Variants in TRAF6 observed in about 807,000 individuals in gnomAD.
TRAF6 encodes the protein TNF receptor associated factor 6.
TRAF6 carries 10 observed loss-of-function variants against 48.4 expected under a neutral mutation model. The ratio of observed to expected loss-of-function variants is 0.21; its 90% CI spans 0.13 to 0.35. TRAF6 has a LOEUF of 0.35. Among genes scored for constraint, TRAF6 ranks in the 10% least tolerant of loss-of-function variants. The pLI, the probability that TRAF6 is intolerant of heterozygous loss-of-function variation, is 1.00. For missense variants in TRAF6, 397 were observed against 661.0 expected (o/e 0.60, Z 4.38); for synonymous variants, 186 against 219.6 (o/e 0.85, Z 1.35).
intron 1 of TRAF6, among the ~76,000 whole-genome samples, chr11:36,502,335 G>C (rs888533626): frequency 7.2e-5 from 11 of 152,112 alleles, no homozygotes; most frequent in African/African-American, 2.7e-4. Flanking sequence ...TGTTTTGTTT[G>C]CCTATGGAAA....
rs1768091864 is a variant in TRAF6 at position 36,484,761 on chromosome 11, G to A, written c.*5077C>T. Among the ~76,000 whole-genome samples, 1 of 152,050 alleles carries A rather than the reference G, an allele frequency of 6.6e-6. No homozygotes were observed. The highest frequency in any genetic ancestry group is 1.5e-5 in the Non-Finnish European group (1 of 68,016). On this transcript the variant is annotated 3_prime_UTR_variant, in exon 7 of 7. Coordinates refer to ENST00000526995, the MANE Select transcript of TRAF6 (RefSeq NM_004620.4). ...TCTGGAAGCTTGTATAAACAAAATA[G>A]GCCCCAAATTACATTCTCACCACAG...
intron 1 of TRAF6, 134 bp from the exon 2 acceptor site, chr11:36,501,671 A>G (rs1859718228): frequency 3.2e-6 from 2 of 629,146 alleles, no homozygotes; most frequent in South Asian, 4.9e-5. Context: ...TTATTTACAG[A>G]AAACTTTTAA....
intron 1 of TRAF6, among the ~76,000 whole-genome samples, chr11:36,503,271 A>T (rs1488335210): frequency 6.6e-6 from 1 of 152,130 alleles, no homozygotes; most frequent in Non-Finnish European, 1.5e-5. Flanking sequence ...ATCTGCAAAG[A>T]AACTTGGCAT....
intron 2 of TRAF6, among the ~76,000 whole-genome samples, chr11:36,499,433 C>T (rs2133673766): frequency 6.6e-6 from 1 of 152,088 alleles, no homozygotes; most frequent in African/African-American, 2.4e-5. Flanking sequence ...AAGCCTCAGA[C>T]TTCTTTTTGT....
chr11:36,497,597 G>A (rs1030367405), intron 3 of TRAF6, among the ~76,000 whole-genome samples: 3 of 152,158 alleles, frequency 2.0e-5, no homozygotes, highest in Non-Finnish European at 4.4e-5. Flanking sequence ...GGAGCAAGTA[G>A]TATATCTGCC....
Position 36,488,029 on chromosome 11 carries a change from A to C in TRAF6, c.*1809T>G, listed in dbSNP as rs1365479627. 2 of 152,222 alleles carry C rather than the reference A, an allele frequency of 1.3e-5. No individual in the cohort carries two copies. The highest frequency in any genetic ancestry group is 1.9e-4 in the East Asian group (1 of 5,200). 9.4% of individuals were successfully genotyped at this position (152,222 alleles called of 1,614,324 possible). A position where few individuals can be genotyped will look rare whatever the true frequency, so the allele number is the denominator to read the frequency against. ...AGGCTTTTTCTACGCAAATACAAAAATACTACTGTTCAGTTTTTAAATGGA... is the reference window on the plus strand; with the variant it reads ...AGGCTTTTTCTACGCAAATACAAAACTACTACTGTTCAGTTTTTAAATGGA... On this transcript the variant is annotated 3_prime_UTR_variant, in exon 7 of 7. Coordinates refer to ENST00000526995, the MANE Select transcript of TRAF6 (RefSeq NM_004620.4).
intron 6 of TRAF6, among the ~76,000 whole-genome samples, chr11:36,492,004 G>A (rs181824801): frequency 1.9e-3 from 284 of 152,200 alleles, no homozygotes; most frequent in African/African-American, 6.6e-3. Context: ...AGTGACAAAG[G>A]CCAGAAACCA....
In TRAF6 at chr11:36,495,045, G is replaced by T; in HGVS notation, c.609C>A (p.Ile203=). The T allele has an allele frequency of 6.3e-7, 1 of 1,598,204 alleles. No homozygotes were observed. The highest frequency in any genetic ancestry group is 1.1e-5 in the South Asian group (1 of 90,130). The change falls in exon 5 of 7, where the codon ATC becomes ATA. Residue 203 remains isoleucine, a splice_region_variant and synonymous_variant. Coordinates refer to ENST00000526995, the MANE Select transcript of TRAF6 (RefSeq NM_004620.4). ...TTGCCAAAGGACAGTTCTGGTCATG[G>T]ATCTGAATTTTATTAGAGAAATATA... ...AASMAFEDKE[I]HDQNCPLANV...
At chr11:36,494,803 C>A (rs761931039) in intron 5 of TRAF6, among the ~76,000 whole-genome samples, 173 bp downstream of exon 5, 1 of 151,564 alleles carries the variant, frequency 6.6e-6, no homozygotes, top group Non-Finnish European at 1.5e-5. Context: ...ATGTTTTGTT[C>A]TCCCTGAAAG....
Position 36,484,316 on chromosome 11 carries a change from T to C in TRAF6, c.*5522A>G, listed in dbSNP as rs544395128. Among the ~76,000 whole-genome samples the C allele has an allele frequency of 7.2e-5, 11 of 152,320 alleles. No homozygotes were observed. The highest frequency in any genetic ancestry group is 2.6e-4 in the African/African-American group (11 of 41,570). ...CATGATTAGTGTTTCCCCACCCTTA[T>C]CTTTGCATTCACTCCCTCTCATAAA... On this transcript the variant is annotated 3_prime_UTR_variant, in exon 7 of 7. Coordinates refer to ENST00000526995, the MANE Select transcript of TRAF6 (RefSeq NM_004620.4).
chr11:36,509,704 G>A (rs1480891101), intron 1 of TRAF6, among the ~76,000 whole-genome samples: 1 of 152,158 alleles, frequency 6.6e-6, no homozygotes, highest in African/African-American at 2.4e-5. Flanking sequence ...CTGGGGAGCA[G>A]AGGTCAGGGG....
Position 36,490,801 on chromosome 11 carries a change from C to T in TRAF6, c.757-151G>A, listed in dbSNP as rs1032357890. The T allele has an allele frequency of 2.4e-5, 16 of 665,482 alleles. No homozygotes were observed. The highest frequency in any genetic ancestry group is 3.8e-4 in the Middle Eastern group (1 of 2,606). 41.2% of individuals were successfully genotyped at this position (665,482 alleles called of 1,614,324 possible). On this transcript the variant is annotated intron_variant, in intron 6 of 6. Transcript: ENST00000526995. This position sits in a 1 kb window ranked among gnomAD's most constrained non-coding sequence, Gnocchi z 6.4. ...CTTTGCCTTCAACAGATTCTTGATCCAATGAGGCGACTCTGCCTCTTAGTT... is the reference window on the plus strand; with the variant it reads ...CTTTGCCTTCAACAGATTCTTGATCTAATGAGGCGACTCTGCCTCTTAGTT...
intron 5 of TRAF6, 36 bp downstream of exon 5, chr11:36,494,940 T>G: frequency 7.0e-7 from 1 of 1,425,064 alleles, no homozygotes; most frequent in Non-Finnish European, 9.8e-7. Context: ...CTTTAAGCTG[T>G]TTATGAAAAT....
At position 36,486,957 on chromosome 11, in the gene TRAF6, G is replaced by C. The variant is rs1290860860; in HGVS notation, c.*2881C>G. 6.6e-6 allele frequency: 1 copy of C among 152,358 alleles called. No individual in the cohort carries two copies. The highest frequency in any genetic ancestry group is 1.5e-5 in the Non-Finnish European group (1 of 68,256). 9.4% of individuals were successfully genotyped at this position (152,358 alleles called of 1,614,324 possible). On this transcript the variant is annotated 3_prime_UTR_variant, in exon 7 of 7. Transcript: ENST00000526995. ...TACAAAAAAATTAGCTGGGCGTGGT[G>C]GCGGGTGCCTGTAATCCCAGCTGCT... is the stretch of plus-strand genomic sequence containing the variant.
At position 36,489,964 on chromosome 11, in the gene TRAF6, G is replaced by A; in HGVS notation, c.1443C>T (p.Ala481=). The A allele has an allele frequency of 6.2e-7, 1 of 1,614,096 alleles. No homozygotes were observed. The highest frequency in any genetic ancestry group is 8.5e-7 in the Non-Finnish European group (1 of 1,180,018). ...CCTTAATGAAAGTTCTTTGTCTTAGGGCTTCCAGATGCATAAAAGTTACAT... is the reference window on the plus strand; with the variant it reads ...CCTTAATGAAAGTTCTTTGTCTTAGAGCTTCCAGATGCATAAAAGTTACAT... ...FGYVTFMHLE[A]LRQRTFIKDD... The change falls in exon 7 of 7, where the codon GCC becomes GCT. Residue 481 remains alanine (A), a synonymous_variant. Coordinates refer to ENST00000526995, the MANE Select transcript of TRAF6 (RefSeq NM_004620.4).
At position 36,497,219 on chromosome 11, in the gene TRAF6, G is replaced by A. The variant is rs370101151; in HGVS notation, c.495C>T (p.Cys165=). 113 of 1,613,672 alleles carry A rather than the reference G, an allele frequency of 7.0e-5. No individual in the cohort carries two copies. The South Asian group carries it at 1.1e-3, about 16-fold the overall frequency. The change falls in exon 4 of 7, where the codon TGC becomes TGT. Residue 165 remains cysteine, a synonymous_variant. Coordinates refer to ENST00000526995, the MANE Select transcript of TRAF6 (RefSeq NM_004620.4). ...CEFALMDCPQ[C]QRPFQKFHIN... ...TATGGAATTTTTGGAAGGGACGCTG[G>A]CATTGGGGACAATCCATAAGAGCAA...
At chr11:36,505,049 C>A (rs879323619) in intron 1 of TRAF6, among the ~76,000 whole-genome samples, 12 of 152,134 alleles carry the variant, frequency 7.9e-5, no homozygotes, top group Non-Finnish European at 1.5e-4. Flanking sequence ...AAAGCACAGG[C>A]AGAGTAGATT....
At position 36,490,896 on chromosome 11, in the gene TRAF6, A is replaced by G. The variant is rs1337604500; in HGVS notation, c.757-246T>C. On this transcript the variant is annotated intron_variant, in intron 6 of 6. Transcript: ENST00000526995. This position sits in a 1 kb window ranked among gnomAD's most constrained non-coding sequence, Gnocchi z 6.4. Reference sequence around the variant, plus strand: ...TCACATAAATCTCCCTCCCACCTACAAAAAATGTATTTACACACATCCTTC... The same window carrying G: ...TCACATAAATCTCCCTCCCACCTACGAAAAATGTATTTACACACATCCTTC... 6.6e-6 allele frequency among the ~76,000 whole-genome samples: 1 copy of G among 152,188 alleles called. No individual in the cohort carries two copies. The highest frequency in any genetic ancestry group is 1.5e-5 in the Non-Finnish European group (1 of 68,030).
At chr11:36,495,132 C>T in intron 4 of TRAF6, 85 bp from the exon 5 acceptor site, 1 of 981,444 alleles carries the variant, frequency 1.0e-6, no homozygotes, top group Non-Finnish European at 1.6e-6. Context: ...AGCAATTTTT[C>T]ACTATAAACA....
Sources: gnomAD v4.1 joint callset for allele counts (sites outside exome capture counted in the v4.1 genomes callset) on GRCh38, gnomAD v4.1.1 for gene constraint, Gnocchi (gnomAD v3.1) non-coding constraint, MANE v1.5 for transcripts, NCBI Gene and HGNC (gene_info 2026-07-23, HGNC 2026-07-21) for gene names.